Variants in ZC3H18 observed in about 807,000 individuals in gnomAD.
The protein encoded by ZC3H18 is zinc finger CCCH-type containing 18, also known as zinc finger CCCH domain-containing protein 18.
ZC3H18 carries 8 observed loss-of-function variants against 106.1 expected under a neutral mutation model. The ratio of observed to expected loss-of-function variants is 0.08; its 90% CI spans 0.04 to 0.14. The LOEUF is 0.14. Among genes scored for constraint, ZC3H18 ranks in the 10% least tolerant of loss-of-function variants. The pLI is 1.00. For missense variants in ZC3H18, 1,318 were observed against 1,278.4 expected, an observed-to-expected ratio of 1.03 and a Z score of -0.47; for synonymous variants, 635 against 522.1, an observed-to-expected ratio of 1.22 and a Z score of -2.95.
chr16:88,628,907 G>A, intron 16 of ZC3H18, 53 bp downstream of exon 16: 1 of 1,600,470 alleles, frequency 6.2e-7, no homozygotes, highest in Non-Finnish European at 8.6e-7. Flanking sequence ...GCCTGGGGAT[G>A]CGGAGCAGCT....
chr16:88,587,583 A>C (rs1915509954), intron 3 of ZC3H18: 1 of 1,536,022 alleles, frequency 6.5e-7, no homozygotes, highest in Admixed American at 2.0e-5. Context: ...ACCAATATCC[A>C]ATTCCATACC....
At chr16:88,611,832 T>C (rs1905290274) in intron 8 of ZC3H18, among the ~76,000 whole-genome samples, 1 of 152,180 alleles carries the variant, frequency 6.6e-6, no homozygotes, top group African/African-American at 2.4e-5. Context: ...ATCGGTGTGT[T>C]TTAATAGGCG....
In ZC3H18 at chr16:88,598,714, TA is replaced by T. The variant is rs1904585628; in HGVS notation, c.930+5del. The T allele has an allele frequency of 6.2e-7, 1 of 1,609,254 alleles. No homozygotes were observed. The highest frequency in any genetic ancestry group is 8.5e-7 in the Non-Finnish European group (1 of 1,177,542). ...CGAGGACTCCGGCATGCAAAGGAGG[TA>T]AACACAATTCAGCAGAAATCCCGAC... On this transcript the variant is annotated splice_donor_region_variant and intron_variant, in intron 5 of 17. Transcript: ENST00000301011.
At chr16:88,599,744 G>T (rs184215869) in intron 5 of ZC3H18, 47 bp from the exon 6 acceptor site, 4 of 1,571,782 alleles carry the variant, frequency 2.5e-6, no homozygotes, top group Admixed American at 3.9e-5. Flanking sequence ...TAACAGCGAC[G>T]CCCGGTATTC....
At chr16:88,592,360 A>G (rs532800794) in intron 3 of ZC3H18, among the ~76,000 whole-genome samples, 1 of 152,100 alleles carries the variant, frequency 6.6e-6, no homozygotes, top group East Asian at 1.9e-4. Context: ...TCCTTGCAAA[A>G]CTGTGTTTAA....
At chr16:88,621,870 G>A (rs766411354) in intron 8 of ZC3H18, among the ~76,000 whole-genome samples, 13 of 152,162 alleles carry the variant, frequency 8.5e-5, no homozygotes, top group Admixed American at 1.3e-4. Flanking sequence ...CACCATCCCT[G>A]TCCCTCCTAG....
In ZC3H18 at chr16:88,603,640, T is replaced by G. The variant is rs1469372019; in HGVS notation, c.1088+3692T>G. On this transcript the variant is annotated intron_variant, in intron 6 of 17. Coordinates refer to ENST00000301011, the MANE Select transcript of ZC3H18 (RefSeq NM_144604.4). ...CTCCGTCTCTTTTTTTTTTTTTTTTTGAGACGGAGTCTGGCTCTGTCGCCC... is the reference window on the plus strand; with the variant it reads ...CTCCGTCTCTTTTTTTTTTTTTTTTGGAGACGGAGTCTGGCTCTGTCGCCC... Among the ~76,000 whole-genome samples the G allele has an allele frequency of 2.4e-5, 3 of 127,270 alleles. No homozygotes were observed. The Admixed American group carries it at 2.4e-4, about 10-fold the overall frequency. The allele number at this position is 127,270 out of a possible 152,430, so 83.5% of individuals were successfully genotyped here.
chr16:88,599,108 G>A lies in ZC3H18; in HGVS notation c.930+396G>A, dbSNP rs1422212357. Among the ~76,000 whole-genome samples the A allele has an allele frequency of 2.0e-5, 3 of 152,310 alleles. No individual in the cohort carries two copies. The East Asian group carries it at 5.8e-4, about 29-fold the overall frequency. ...CCAGGGCATACCCACTGTCTTCATGGGGCTGGATCAGCACTGGGCCACACC... is the reference window on the plus strand; with the variant it reads ...CCAGGGCATACCCACTGTCTTCATGAGGCTGGATCAGCACTGGGCCACACC... On this transcript the variant is annotated intron_variant, in intron 5 of 17. Coordinates refer to ENST00000301011, the MANE Select transcript of ZC3H18 (RefSeq NM_144604.4).
Position 88,624,682 on chromosome 16 carries a change from C to T in ZC3H18, c.1979C>T (p.Thr660Ile). 9 of 1,613,546 alleles carry T rather than the reference C, an allele frequency of 5.6e-6. No homozygotes were observed. The highest frequency in any genetic ancestry group is 7.6e-6 in the Non-Finnish European group (9 of 1,179,810). Residue 660 changes from threonine (T) to isoleucine (I), a missense_variant, in exon 12 of 18, where the codon ACC becomes ATC. Thr to Ile is a moderately conservative substitution (Grantham distance 89, BLOSUM62 -1). Coordinates refer to ENST00000301011, the MANE Select transcript of ZC3H18 (RefSeq NM_144604.4). Reference sequence around the variant, plus strand: ...ACCACTGCTCCTGTCCCCGAGCCCACCAAGCCAGGAGACCCTCGGGAAGCC... The same window carrying T: ...ACCACTGCTCCTGTCCCCGAGCCCATCAAGCCAGGAGACCCTCGGGAAGCC... ...TKTTAPVPEP[T>I]KPGDPREARR...
At chr16:88,610,971 A>G (rs74916883) in intron 7 of ZC3H18, among the ~76,000 whole-genome samples, 36 of 152,336 alleles carry the variant, frequency 2.4e-4, no homozygotes, top group African/African-American at 8.2e-4. Flanking sequence ...TGTTTGCTCT[A>G]ATTTGGCATC....
In ZC3H18 at chr16:88,577,610, C is replaced by A; in HGVS notation, c.487C>A (p.Pro163Thr). The change falls in exon 2 of 18, where the codon CCC (proline) becomes ACC (threonine). Residue 163 changes from proline (P) to threonine (T), a missense_variant. Around this residue, in one of 6 missense-constraint regions of ZC3H18, gnomAD observed 346 missense variants for 269.0 expected, o/e 1.29. Transcript: ENST00000301011. The part of the protein sequence containing the change: ...EDDEEKGEGT[P>T]REEGKAGVQS... ...TGATGAGGAGAAAGGCGAAGGCACT[C>A]CCAGGGAGGAGGGGAAGGCTGGTGT... 1 of 1,613,750 alleles carries A rather than the reference C, an allele frequency of 6.2e-7. No individual in the cohort carries two copies. Among genetic ancestry groups the A allele is most frequent in the African/African-American group, 1.3e-5 (1 of 75,004 alleles).
In ZC3H18 at chr16:88,624,334, C is replaced by G. The variant is rs187172036; in HGVS notation, c.1899-268C>G. 154 of 652,970 alleles carry G rather than the reference C, an allele frequency of 2.4e-4. 2 individuals carry two copies. In the African/African-American group the frequency reaches 2.6e-3, roughly 11 times the overall value. 40.4% of individuals were successfully genotyped at this position (652,970 alleles called of 1,614,324 possible). ...CAGCCGGGTGTTCTTAAGGGGTCTT[C>G]CTATTAGCCTGCTCTCCCCACTGCC... On this transcript the variant is annotated intron_variant, in intron 11 of 17. Coordinates refer to ENST00000301011, the MANE Select transcript of ZC3H18 (RefSeq NM_144604.4).
intron 8 of ZC3H18, among the ~76,000 whole-genome samples, chr16:88,618,158 G>A (rs74033324): frequency 0.15 from 23,357 of 152,172 alleles, 2,045 homozygotes; most frequent in African/African-American, 0.22. Context: ...AGAAGGTGAC[G>A]GCCACTCAGG....
intron 8 of ZC3H18, among the ~76,000 whole-genome samples, chr16:88,614,056 G>A (rs923716364): frequency 6.6e-6 from 1 of 152,238 alleles, no homozygotes; most frequent in Admixed American, 6.5e-5. Context: ...GAAACAGCCC[G>A]AGATCCTTCC....
chr16:88,577,496 G>A lies in ZC3H18; in HGVS notation c.373G>A (p.Glu125Lys). The change falls in exon 2 of 18, where the codon GAG becomes AAG. Residue 125 changes from glutamate to lysine, a missense_variant. Glu to Lys is a moderately conservative substitution (Grantham distance 56). This residue lies in a region of ZC3H18 where 346 missense variants were observed against 269.0 expected (regional missense o/e 1.29). Coordinates refer to ENST00000301011, the MANE Select transcript of ZC3H18 (RefSeq NM_144604.4). ...EASSVTRELD[E>K]HELDYDEEVP... ...CTCCTCAGTCACCAGGGAGCTGGAT[G>A]AGCATGAGCTAGACTACGATGAGGA... is the stretch of plus-strand genomic sequence containing the variant. 6.2e-7 allele frequency: 1 copy of A among 1,612,942 alleles called. No individual in the cohort carries two copies.
chr16:88,619,504 C>G (rs1220142968), intron 8 of ZC3H18, among the ~76,000 whole-genome samples: 2 of 152,102 alleles, frequency 1.3e-5, no homozygotes, highest in African/African-American at 4.8e-5. Context: ...AAGGAGAGAC[C>G]TCACTGACCC....
chr16:88,571,780 C>G (rs568609182), intron 1 of ZC3H18: 1 of 695,934 alleles, frequency 1.4e-6, no homozygotes, highest in Non-Finnish European at 1.8e-6. Flanking sequence ...AGTGGTCACG[C>G]TTGGTCACTT....
chr16:88,585,520 A>G (rs547503714), intron 2 of ZC3H18, among the ~76,000 whole-genome samples: 1 of 152,314 alleles, frequency 6.6e-6, no homozygotes, highest in East Asian at 1.9e-4. Context: ...TGGCTGCAAC[A>G]CCTGCAGGGC....
chr16:88,585,115 A>G (rs1411781643), intron 2 of ZC3H18, among the ~76,000 whole-genome samples: 1 of 152,246 alleles, frequency 6.6e-6, no homozygotes, highest in East Asian at 1.9e-4. Context: ...GTCACTTGGC[A>G]TAAATTAAAC....
Sources: gnomAD v4.1 joint callset for allele counts (sites outside exome capture counted in the v4.1 genomes callset) on GRCh38, gnomAD v4.1.1 for gene constraint, gnomAD v4.1.1 regional missense constraint, MANE v1.5 for transcripts, NCBI Gene and HGNC (gene_info 2026-07-23, HGNC 2026-07-21) for gene names.